Variants in CP observed in about 807,000 individuals in gnomAD.
The protein encoded by CP is ceruloplasmin.
In CP, 64 loss-of-function variants were observed where a neutral mutation model predicts 122.4. The ratio of observed to expected loss-of-function variants is 0.52; its 90% CI spans 0.43 to 0.64. The LOEUF (loss-of-function observed/expected upper bound fraction) is 0.64, where lower values mean the gene tolerates loss of function less well. Among genes scored for constraint, CP ranks in the 30% least tolerant of loss-of-function variants. The probability of loss-of-function intolerance (pLI) is 0.00; values close to 1 mark genes in which losing one functional copy is unlikely to be tolerated. For synonymous variants in CP, 440 were observed against 436.4 expected, an observed-to-expected ratio of 1.01 and a Z score of -0.10; for missense variants, 1,167 against 1,284.4, an observed-to-expected ratio of 0.91 and a Z score of 1.40.
At chr3:149,198,225 G>T in intron 9 of CP, 142 bp downstream of exon 9, 1 of 645,900 alleles carries the variant, frequency 1.5e-6, no homozygotes, top group East Asian at 2.7e-5. Context: ...ATAATTGTGG[G>T]CATTTTTAAA....
intron 6 of CP, among the ~76,000 whole-genome samples, chr3:149,204,530 C>A (rs375933091): frequency 6.6e-6 from 1 of 152,136 alleles, no homozygotes; most frequent in Admixed American, 6.5e-5. Context: ...GAGTTGGAGA[C>A]GCAGCGTTGG....
rs547905660 is a variant in CP, at chr3:149,178,355, T to G, written c.2878+60A>C. The G allele has an allele frequency of 5.3e-6, 7 of 1,312,648 alleles. No homozygotes were observed. The South Asian group carries it at 8.6e-5, about 16-fold the overall frequency. 81.3% of individuals were successfully genotyped at this position (1,312,648 alleles called of 1,614,324 possible). A position where few individuals can be genotyped will look rare whatever the true frequency, so the allele number is the denominator to read the frequency against. Reference sequence around the variant, plus strand: ...CAAATGAATGGTCTCCAAAATAATTTTATTTGAAAGAGAAAATGATAAAAA... The same window carrying G: ...CAAATGAATGGTCTCCAAAATAATTGTATTTGAAAGAGAAAATGATAAAAA... On this transcript the variant is annotated intron_variant, in intron 16 of 18. Transcript: ENST00000264613.
At position 149,179,652 on chromosome 3, in the gene CP, G is replaced by A. The variant is rs781672409; in HGVS notation, c.2565C>T (p.Leu855=). The change falls in exon 15 of 19, where the codon CTC becomes CTT. Residue 855 remains leucine (L), a synonymous_variant. Coordinates refer to ENST00000264613, the MANE Select transcript of CP (RefSeq NM_000096.4). ...TVTPTLPGET[L]TYVWKIPERS... The stretch of plus-strand genomic sequence containing the variant: ...TTTCTGGGATTTTCCATACGTAAGT[G>A]AGAGTTTCACCTAAATTCATCAAGT... The A allele has an allele frequency of 6.4e-5, 104 of 1,612,736 alleles. 1 individual carries two copies. The highest frequency in any genetic ancestry group is 5.7e-5 in the Non-Finnish European group (67 of 1,179,158).
At chr3:149,220,572 A>T (rs905698024) in intron 1 of CP, among the ~76,000 whole-genome samples, 1 of 152,104 alleles carries the variant, frequency 6.6e-6, no homozygotes, top group African/African-American at 2.4e-5. Flanking sequence ...ATTGTATATT[A>T]TTAAATTCAT....
At position 149,177,831 on chromosome 3, in the gene CP, A is replaced by C. The variant is rs778462527; in HGVS notation, c.3018+9T>G. 1 of 1,613,130 alleles carries C rather than the reference A, an allele frequency of 6.2e-7. No homozygotes were observed. Among genetic ancestry groups the C allele is most frequent in the South Asian group, 1.1e-5 (1 of 91,074 alleles). On this transcript the variant is annotated intron_variant, in intron 17 of 18. Transcript: ENST00000264613. ...CAGAGCAAGAGTAATTGCCATGGATAGCTCTTACCTTGTATTGGAAGCTAT... is the reference window on the plus strand; with the variant it reads ...CAGAGCAAGAGTAATTGCCATGGATCGCTCTTACCTTGTATTGGAAGCTAT...
rs999287260 is a variant in CP at position 149,182,080 on chromosome 3, T to C, written c.2479A>G (p.Met827Val). Residue 827 changes from methionine (M) to valine (V), a missense_variant, in exon 14 of 19, where the codon ATG becomes GTG. Around this residue, in one of 2 missense-constraint regions of CP, gnomAD observed 525 missense variants for 657.2 expected, o/e 0.80. Coordinates refer to ENST00000264613, the MANE Select transcript of CP (RefSeq NM_000096.4). ...GDKVKIIFKNMATRPYSIHAH... is the reference protein window; with the variant it reads ...GDKVKIIFKNVATRPYSIHAH... ...TGTATTGAGTAGGGCCTTGTGGCCA[T>C]GTTTTTAAAGATAATTTTGACTTTG... 1.2e-6 allele frequency: 2 copies of C among 1,607,210 alleles called. No individual in the cohort carries two copies. Among genetic ancestry groups the C allele is most frequent in the African/African-American group, 1.3e-5 (1 of 74,490 alleles).
At position 149,207,606 on chromosome 3, in the gene CP, A is replaced by T. The variant is rs563567210; in HGVS notation, c.793T>A (p.Tyr265Asn). The T allele has an allele frequency of 6.2e-7, 1 of 1,613,930 alleles. No homozygotes were observed. Among genetic ancestry groups the T allele is most frequent in the Non-Finnish European group, 8.5e-7 (1 of 1,179,792 alleles). ...ESNRMYSVNG[Y>N]TFGSLPGLSM... ...AGTCCTGGGAGACTTCCAAAAGTGTATCCATTCACAGCTGTAAGTCAAGAG... is the reference window on the plus strand; with the variant it reads ...AGTCCTGGGAGACTTCCAAAAGTGTTTCCATTCACAGCTGTAAGTCAAGAG... The change falls in exon 5 of 19, where the codon TAC becomes AAC. Residue 265 changes from tyrosine (Y) to asparagine (N), a missense_variant. This residue lies in a region of CP where 642 missense variants were observed against 627.3 expected (regional missense o/e 1.02). Transcript: ENST00000264613.
intron 3 of CP, 147 bp downstream of exon 3, chr3:149,210,019 TG>T: frequency 2.8e-6 from 2 of 702,102 alleles, no homozygotes; most frequent in Non-Finnish European, 2.4e-6. Flanking sequence ...TAGTCCTGCC[TG>T]GCTCTTCCCT....
At chr3:149,166,484 A>G (rs183552793) in intron 4 of CP, among the ~76,000 whole-genome samples, 2 of 152,328 alleles carry the variant, frequency 1.3e-5, no homozygotes, top group Admixed American at 1.3e-4. Context: ...TATAAAACTG[A>G]TCATGTTCAG....
Position 149,181,985 on chromosome 3 carries a change from A to AACC in CP, c.2554+19_2554+20insGGT. Reference sequence around the variant, plus strand: ...CAGCCTGTTAAAATGCACCACCCCCACCCCCGCCCCCGTGAGTACCTGGTA... The same window carrying AACC: ...CAGCCTGTTAAAATGCACCACCCCCAACCCCCCCGCCCCCGTGAGTACCTGGTA... On this transcript the variant is annotated intron_variant, in intron 14 of 18. Transcript: ENST00000264613. 7.4e-6 allele frequency: 3 copies of AACC among 402,776 alleles called. No homozygotes were observed. Among genetic ancestry groups the AACC allele is most frequent in the South Asian group, 3.6e-5 (2 of 55,096 alleles). 25.0% of individuals were successfully genotyped at this position (402,776 alleles called of 1,614,324 possible). A position where few individuals can be genotyped will look rare whatever the true frequency, so the allele number is the denominator to read the frequency against.
chr3:149,168,072 CA>C (rs1266991318), downstream of CP: 1 of 792,198 alleles, frequency 1.3e-6, no homozygotes, highest in Non-Finnish European at 2.2e-6. Flanking sequence ...ATGTGATTCT[CA>C]AGTGAAACCG....
At chr3:149,193,004 A>ACG (rs764109284) in intron 9 of CP, among the ~76,000 whole-genome samples, 1 of 150,594 alleles carries the variant, frequency 6.6e-6, no homozygotes, top group Non-Finnish European at 1.5e-5. Context: ...ACACACACAC[A>ACG]CGCATACACT....
chr3:149,210,078 G>C (rs922402300), intron 3 of CP, 89 bp downstream of exon 3: 2 of 1,315,048 alleles, frequency 1.5e-6, no homozygotes, highest in African/African-American at 1.5e-5. Context: ...CTCAATCTCA[G>C]CACAGAAGAC....
chr3:149,213,631 G>GGT (rs71135672), intron 1 of CP, among the ~76,000 whole-genome samples: 5,014 of 143,768 alleles, frequency 0.035, 137 homozygotes, highest in African/African-American at 0.081. Flanking sequence ...CATCATCATG[G>GGT]GTGTGTGTGT....
At position 149,177,983 on chromosome 3, in the gene CP, G is replaced by A; in HGVS notation, c.2879-4C>T. On this transcript the variant is annotated splice_region_variant and splice_polypyrimidine_tract_variant and intron_variant, in intron 16 of 18. Coordinates refer to ENST00000264613, the MANE Select transcript of CP (RefSeq NM_000096.4). ...CCAAACATTCTTCCATTAATAGCTA[G>A]GGAAAGCATATGGTTTTATGTTACT... The A allele has an allele frequency of 4.3e-6, 7 of 1,612,580 alleles. No homozygotes were observed. Among genetic ancestry groups the A allele is most frequent in the Non-Finnish European group, 5.9e-6 (7 of 1,178,698 alleles).
At chr3:149,162,915 G>A in intron 5 of CP, 1 of 1,504,312 alleles carries the variant, frequency 6.6e-7, no homozygotes, top group Admixed American at 1.7e-5. Context: ...TTTAACTCAT[G>A]CATTGCCCAT....
chr3:149,170,809 C>CA (rs1724898241), downstream of CP, among the ~76,000 whole-genome samples: 1 of 152,150 alleles, frequency 6.6e-6, no homozygotes, highest in Non-Finnish European at 1.5e-5. Context: ...AACGATCACA[C>CA]AGGGAATGGC....
chr3:149,186,369 A>G (rs1726170888), intron 11 of CP, 151 bp downstream of exon 11: 1 of 724,730 alleles, frequency 1.4e-6, no homozygotes, highest in Non-Finnish European at 2.5e-6. Context: ...TTCAGCTGAT[A>G]GTGGCCTAGA....
intron 12 of CP, among the ~76,000 whole-genome samples, chr3:149,184,985 A>G (rs1726055209): frequency 6.6e-6 from 1 of 152,220 alleles, no homozygotes. Flanking sequence ...ATGTGAGAAG[A>G]CACTCCAGTA....
Sources: gnomAD v4.1 joint callset for allele counts (sites outside exome capture counted in the v4.1 genomes callset) on GRCh38, gnomAD v4.1.1 for gene constraint, gnomAD v4.1.1 regional missense constraint, MANE v1.5 for transcripts, NCBI Gene and HGNC (gene_info 2026-07-23, HGNC 2026-07-21) for gene names.